USP33: variants seen among roughly 807,000 people sequenced by gnomAD.
The protein encoded by USP33 is ubiquitin carboxyl-terminal hydrolase 33.
A neutral mutation model predicts 124.2 loss-of-function variants in USP33; 46 were observed. The ratio of observed to expected loss-of-function variants is 0.37; its 90% CI spans 0.29 to 0.47. The LOEUF is 0.47. Among genes scored for constraint, USP33 ranks in the 20% least tolerant of loss-of-function variants. USP33 has a pLI of 0.99. For missense variants in USP33, 851 were observed against 1,070.6 expected, an observed-to-expected ratio of 0.79 and a Z score of 2.86; for synonymous variants, 350 against 352.3, an observed-to-expected ratio of 0.99 and a Z score of 0.07.
At chr1:77,743,131 G>A (rs1679325802) in intron 1 of USP33, among the ~76,000 whole-genome samples, 1 of 151,810 alleles carries the variant, frequency 6.6e-6, no homozygotes, top group Non-Finnish European at 1.5e-5. Flanking sequence ...TTTTAGTAGA[G>A]ATGGGGTTTC....
intron 5 of USP33, 55 bp downstream of exon 5, chr1:77,739,210 C>A: frequency 1.3e-6 from 2 of 1,548,548 alleles, no homozygotes; most frequent in East Asian, 2.3e-5. Flanking sequence ...ATGACAAATT[C>A]TGAAATTATT....
At chr1:77,728,850 A>G (rs764689953) in intron 9 of USP33, 138 bp from the exon 10 acceptor site, 47 of 911,400 alleles carry the variant, frequency 5.2e-5, no homozygotes, top group Non-Finnish European at 7.6e-5. Flanking sequence ...TTTGGAGAGC[A>G]TAAGGCACTA....
rs749382626 is a variant in USP33, at chr1:77,717,946, T to G, written c.1839A>C (p.Pro613=). The change falls in exon 17 of 24, where the codon CCA becomes CCC. Residue 613 remains proline (P), a synonymous_variant. Transcript: ENST00000370794. ...GAGCTGGACTATCCTTAGCAAGAAA[T>G]GGCTGAAGATCCAAGCCTTCTAGCG... is the stretch of plus-strand genomic sequence containing the variant. The part of the protein sequence containing the change: ...SFPLEGLDLQ[P]FLAKDSPAQI... 3.7e-6 allele frequency: 6 copies of G among 1,613,934 alleles called. No individual in the cohort carries two copies. Among genetic ancestry groups the G allele is most frequent in the Non-Finnish European group, 4.2e-6 (5 of 1,179,966 alleles).
intron 21 of USP33, among the ~76,000 whole-genome samples, chr1:77,710,583 T>C (rs1333166598): frequency 6.6e-6 from 1 of 152,208 alleles, no homozygotes; most frequent in Non-Finnish European, 1.5e-5. Flanking sequence ...CTTTTTTATG[T>C]AAAATTTACT....
At chr1:77,755,655 A>G (rs1049901274) in intron 1 of USP33, among the ~76,000 whole-genome samples, 4 of 152,212 alleles carry the variant, frequency 2.6e-5, no homozygotes, top group African/African-American at 7.2e-5. Context: ...CCAAGATCGC[A>G]CCACTGCACG....
intron 1 of USP33, chr1:77,759,402 A>C (rs1329448274): frequency 2.5e-6 from 1 of 392,996 alleles, no homozygotes; most frequent in Non-Finnish European, 4.5e-6. Context: ...CAAATCAACG[A>C]CCGGTTCCCA....
intron 12 of USP33, 35 bp from the exon 13 acceptor site, chr1:77,722,231 C>T (rs1676639924): frequency 3.9e-6 from 6 of 1,547,390 alleles, no homozygotes; most frequent in Non-Finnish European, 5.3e-6. Flanking sequence ...ATGGGATGAA[C>T]ATAATGCAGT....
chr1:77,736,036 G>A lies in USP33; in HGVS notation c.454+20C>T, dbSNP rs555429114. On this transcript the variant is annotated intron_variant, in intron 6 of 23. Coordinates refer to ENST00000370794, the MANE Select transcript of USP33 (RefSeq NM_201624.3). ...AATGGGCAGTGCCATACAAAGAAGC[G>A]TTACACAGGATTAATTTACCTCTGG... is the stretch of plus-strand genomic sequence containing the variant. The A allele has an allele frequency of 2.3e-5, 36 of 1,557,692 alleles. No individual in the cohort carries two copies. Among genetic ancestry groups the A allele is most frequent in the Middle Eastern group, 3.4e-4 (2 of 5,904 alleles).
chr1:77,733,403 AAG>A (rs1196895652), intron 7 of USP33, among the ~76,000 whole-genome samples: 2,388 of 151,602 alleles, frequency 0.016, 35 homozygotes, highest in South Asian at 0.05. Flanking sequence ...AAAAAAAAAA[AAG>A]AAAAAAAAAG....
chr1:77,726,379 G>A (rs1238573402), intron 10 of USP33, among the ~76,000 whole-genome samples: 3 of 151,654 alleles, frequency 2.0e-5, no homozygotes, highest in African/African-American at 7.3e-5. Flanking sequence ...AGGCTGGGTG[G>A]CTAACGCCTA....
At chr1:77,717,843 C>G in intron 17 of USP33, 24 bp downstream of exon 17, 1 of 1,507,448 alleles carries the variant, frequency 6.6e-7, no homozygotes. Flanking sequence ...AATCTAGGAA[C>G]AACTGTTAAA....
intron 11 of USP33, 49 bp downstream of exon 11, chr1:77,725,573 T>G (rs1194801918): frequency 6.4e-7 from 1 of 1,573,046 alleles, no homozygotes; most frequent in African/African-American, 1.4e-5. Context: ...AACCATCATT[T>G]TAAACTAAGA....
At position 77,697,282 on chromosome 1, in the gene USP33, A is replaced by G; in HGVS notation, c.*35T>C. ...TGTGTACATGTCAGGGCACATGAAAATGATTCCTCATTAGAACTCTCTACA... is the reference window on the plus strand; with the variant it reads ...TGTGTACATGTCAGGGCACATGAAAGTGATTCCTCATTAGAACTCTCTACA... On this transcript the variant is annotated 3_prime_UTR_variant, in exon 24 of 24. Transcript: ENST00000370794. 1 of 1,546,590 alleles carries G rather than the reference A, an allele frequency of 6.5e-7. No individual in the cohort carries two copies. Among genetic ancestry groups the G allele is most frequent in the Non-Finnish European group, 8.7e-7 (1 of 1,147,932 alleles).
chr1:77,754,062 G>A (rs781120942), intron 1 of USP33, among the ~76,000 whole-genome samples: 8 of 152,044 alleles, frequency 5.3e-5, no homozygotes, highest in African/African-American at 1.4e-4. Flanking sequence ...TTCAATCAAC[G>A]GTGAAGACTT....
intron 21 of USP33, among the ~76,000 whole-genome samples, chr1:77,708,452 A>T (rs1674875936): frequency 6.6e-6 from 1 of 152,228 alleles, no homozygotes; most frequent in Admixed American, 6.5e-5. Flanking sequence ...CTTTAACAGC[A>T]GCATCCTGTG....
At chr1:77,735,494 C>A (rs1377583401) in intron 6 of USP33, among the ~76,000 whole-genome samples, 1 of 152,118 alleles carries the variant, frequency 6.6e-6, no homozygotes, top group African/African-American at 2.4e-5. Context: ...TATAACTTAT[C>A]TCTAGTCATG....
rs1261197861 is a variant in USP33, at chr1:77,759,846, T to TGTCTCCGGGGCCGCCGCAGGC, written c.-256_-255insGCCTGCGGCGGCCCCGGAGAC. 3.3e-5 allele frequency: 13 copies of TGTCTCCGGGGCCGCCGCAGGC among 393,252 alleles called. No individual in the cohort carries two copies. The highest frequency in any genetic ancestry group is 1.4e-4 in the South Asian group (1 of 7,304). 24.4% of individuals were successfully genotyped at this position (393,252 alleles called of 1,614,324 possible). ...CCGCAGCAGCCGCGGCTCCTTCCGG[T>TGTCTCCGGGGCCGCCGCAGGC]GTCTCCGGGGCCGCCGCAGGCGTCT... On this transcript the variant is annotated 5_prime_UTR_variant, in exon 1 of 24. Transcript: ENST00000370794.
intron 21 of USP33, among the ~76,000 whole-genome samples, chr1:77,704,744 T>C (rs932272244): frequency 6.6e-6 from 1 of 152,246 alleles, no homozygotes; most frequent in African/African-American, 2.4e-5. Context: ...TCCTCTCCAA[T>C]AGTATTTATT....
chr1:77,748,787 C>G (rs372544663), intron 1 of USP33, among the ~76,000 whole-genome samples: 244 of 118,648 alleles, frequency 2.1e-3, no homozygotes, highest in East Asian at 0.017. Context: ...CCTCCCCCCC[C>G]CCCCCGTGCT....
Sources: allele counts gnomAD v4.1 joint callset (sites outside exome capture counted in the v4.1 genomes callset), GRCh38; gene constraint gnomAD v4.1.1; transcripts MANE v1.5; gene names NCBI Gene and HGNC (gene_info 2026-07-23, HGNC 2026-07-21).